TMTC2: variants seen among roughly 807,000 people sequenced by gnomAD.
TMTC2 encodes the protein transmembrane O-mannosyltransferase targeting cadherins 2.
Under a neutral mutation model 82.4 loss-of-function variants are expected in TMTC2, and 43 were observed. The ratio of observed to expected loss-of-function variants is 0.52; its 90% CI spans 0.41 to 0.67. The LOEUF (loss-of-function observed/expected upper bound fraction) is 0.67, where lower values mean the gene tolerates loss of function less well. TMTC2 is among the 30% of genes least tolerant of loss of function. The pLI, the probability that TMTC2 is intolerant of heterozygous loss-of-function variation, is 0.00. For synonymous variants in TMTC2, 408 were observed against 381.9 expected (o/e 1.07, Z -0.80); for missense variants, 919 against 1,012.4 (o/e 0.91, Z 1.25).
intron 8 of TMTC2, among the ~76,000 whole-genome samples, chr12:82,994,060 C>G (rs1879512699): frequency 6.6e-6 from 1 of 152,152 alleles, no homozygotes. Context: ...CCTCATTTCT[C>G]ATAACATTTG....
At chr12:82,897,947 T>C (rs1419402219) in intron 3 of TMTC2, among the ~76,000 whole-genome samples, 2 of 142,654 alleles carry the variant, frequency 1.4e-5, no homozygotes, top group Non-Finnish European at 3.0e-5. Flanking sequence ...AATATGAAAA[T>C]GGCCTGCTAA....
At chr12:82,689,345 A>G (rs1393037799) in intron 1 of TMTC2, among the ~76,000 whole-genome samples, 4 of 152,042 alleles carry the variant, frequency 2.6e-5, no homozygotes, top group Admixed American at 6.6e-5. Flanking sequence ...TTGATGGGTG[A>G]CTTTTCACTA....
intron 8 of TMTC2, among the ~76,000 whole-genome samples, chr12:82,992,073 A>G (rs1366141965): frequency 6.6e-6 from 1 of 152,172 alleles, no homozygotes; most frequent in Non-Finnish European, 1.5e-5. Context: ...ACGGCATGAG[A>G]GCACTGAGCC....
intron 10 of TMTC2, among the ~76,000 whole-genome samples, chr12:83,054,793 C>T (rs1882476518): frequency 6.6e-6 from 1 of 151,376 alleles, no homozygotes; most frequent in African/African-American, 2.4e-5. Flanking sequence ...AAGAATTATC[C>T]AGAGATAGAG....
chr12:82,935,059 T>A (rs1433112154), intron 4 of TMTC2, among the ~76,000 whole-genome samples: 1 of 152,190 alleles, frequency 6.6e-6, no homozygotes, highest in Non-Finnish European at 1.5e-5. Context: ...GAATTAAATC[T>A]ATTAGAGAAT....
At chr12:82,787,422 C>T (rs1332520658) in intron 1 of TMTC2, among the ~76,000 whole-genome samples, 2 of 151,962 alleles carry the variant, frequency 1.3e-5, no homozygotes, top group African/African-American at 4.8e-5. Flanking sequence ...AAATACAGAA[C>T]CTAGTTATAT....
At chr12:82,690,623 C>G (rs919345345) in intron 1 of TMTC2, among the ~76,000 whole-genome samples, 2 of 152,116 alleles carry the variant, frequency 1.3e-5, no homozygotes, top group African/African-American at 4.8e-5. Flanking sequence ...GAATATGCCT[C>G]TGATGTGATG....
In TMTC2 at chr12:82,909,724, G is replaced by A. The variant is rs541273702; in HGVS notation, c.1483+13078G>A. ...TGCAAATATTTTTATTTTTAATGTA[G>A]CATTTTTATTGGTTCTGTACAAGGT... is the stretch of plus-strand genomic sequence containing the variant. On this transcript the variant is annotated intron_variant, in intron 3 of 11. Coordinates refer to ENST00000321196, the MANE Select transcript of TMTC2 (RefSeq NM_152588.3). 6.6e-5 allele frequency among the ~76,000 whole-genome samples: 10 copies of A among 152,170 alleles called. No individual in the cohort carries two copies. In the South Asian group the frequency reaches 2.1e-3, roughly 32 times the overall value.
chr12:83,029,730 T>C (rs1430567730), intron 8 of TMTC2, among the ~76,000 whole-genome samples: 1 of 152,178 alleles, frequency 6.6e-6, no homozygotes, highest in East Asian at 1.9e-4. Context: ...TTCTCCTATC[T>C]TGTGCCATCC....
intron 8 of TMTC2, among the ~76,000 whole-genome samples, chr12:83,022,470 C>T (rs184196144): frequency 1.2e-3 from 176 of 149,552 alleles, no homozygotes; most frequent in African/African-American, 4.0e-3. Flanking sequence ...AAGGATTCCA[C>T]CACTAAAATG....
intron 1 of TMTC2, among the ~76,000 whole-genome samples, chr12:82,793,911 C>T (rs1490225763): frequency 6.6e-6 from 1 of 152,174 alleles, no homozygotes; most frequent in African/African-American, 2.4e-5. Context: ...GGCTTATCTA[C>T]TGTATATGCG....
At chr12:82,925,282 G>A (rs1875636025) in intron 3 of TMTC2, among the ~76,000 whole-genome samples, 1 of 152,086 alleles carries the variant, frequency 6.6e-6, no homozygotes, top group Non-Finnish European at 1.5e-5. Flanking sequence ...TCCAGCATAA[G>A]CTCACATGGG....
chr12:83,092,975 T>G (rs1883892846), intron 11 of TMTC2, among the ~76,000 whole-genome samples: 1 of 152,228 alleles, frequency 6.6e-6, no homozygotes, highest in Admixed American at 6.5e-5. Flanking sequence ...GTGTTCAGTA[T>G]TTAAATATCA....
chr12:82,831,308 G>A (rs143375668), intron 1 of TMTC2, among the ~76,000 whole-genome samples: 1 of 152,290 alleles, frequency 6.6e-6, no homozygotes, highest in African/African-American at 2.4e-5. Flanking sequence ...TTTTTAAGGT[G>A]GCTGCAACTG....
intron 1 of TMTC2, among the ~76,000 whole-genome samples, chr12:82,693,924 C>T (rs777590336): frequency 3.4e-5 from 5 of 146,758 alleles, no homozygotes; most frequent in South Asian, 2.2e-4. Context: ...GCCAAGATCG[C>T]GCCACCATAC....
intron 11 of TMTC2, among the ~76,000 whole-genome samples, chr12:83,091,174 G>C (rs1883834234): frequency 6.6e-6 from 1 of 152,054 alleles, no homozygotes; most frequent in South Asian, 2.1e-4. Flanking sequence ...CTTTTGCACA[G>C]GTGACAGTAG....
intron 10 of TMTC2, among the ~76,000 whole-genome samples, chr12:83,059,896 C>G (rs1450544436): frequency 1.3e-5 from 2 of 151,806 alleles, no homozygotes; most frequent in South Asian, 2.1e-4. Context: ...TAACTGACTT[C>G]TTTGTAGTAT....
chr12:82,908,108 C>T (rs1299270057), intron 3 of TMTC2, among the ~76,000 whole-genome samples: 1 of 151,986 alleles, frequency 6.6e-6, no homozygotes, highest in East Asian at 1.9e-4. Context: ...CAAAACAAAA[C>T]AAAACAGAAC....
intron 10 of TMTC2, among the ~76,000 whole-genome samples, chr12:83,056,284 G>A (rs919517821): frequency 5.9e-5 from 9 of 151,874 alleles, no homozygotes; most frequent in Non-Finnish European, 1.2e-4. Context: ...CAGCTGAGAC[G>A]TGTGCACTTT....
Sources: allele counts gnomAD v4.1 joint callset (sites outside exome capture counted in the v4.1 genomes callset), GRCh38; gene constraint gnomAD v4.1.1; transcripts MANE v1.5; gene names NCBI Gene and HGNC (gene_info 2026-07-23, HGNC 2026-07-21).